C1QTNF3: variants seen among roughly 807,000 people sequenced by gnomAD.
The protein encoded by C1QTNF3 is complement C1q tumor necrosis factor-related protein 3.
A neutral mutation model predicts 32.6 loss-of-function variants in C1QTNF3; 26 were observed. That is an observed-to-expected ratio of 0.80 (90% CI 0.58 to 1.11). The LOEUF is 1.11. Among genes scored for constraint, C1QTNF3 ranks in the 50% least tolerant of loss-of-function variants. C1QTNF3 has a pLI of 0.00. For synonymous variants in C1QTNF3, 155 were observed against 146.0 expected (o/e 1.06, Z -0.44); for missense variants, 362 against 398.2 (o/e 0.91, Z 0.77).
At chr5:34,118,374 C>G in the C1QTNF3 span, among the ~76,000 whole-genome samples, 1 of 152,118 alleles carries the variant, frequency 6.6e-6, no homozygotes, top group Non-Finnish European at 1.5e-5. Context: ...CCACCATGTC[C>G]GGCCTATCAT....
the C1QTNF3 span, among the ~76,000 whole-genome samples, chr5:34,103,191 CTG>C: frequency 2.0e-5 from 3 of 152,128 alleles, no homozygotes; most frequent in Non-Finnish European, 4.4e-5. Flanking sequence ...CTTTCTATTC[CTG>C]TGTTTTGCTG....
chr5:34,166,512 C>T, the C1QTNF3 span: 1 of 152,148 alleles, frequency 6.6e-6, no homozygotes, highest in African/African-American at 2.4e-5. Flanking sequence ...CATCTCTATA[C>T]TTCAGGAAGT....
At chr5:34,235,932 T>G in the C1QTNF3 span, among the ~76,000 whole-genome samples, 1 of 152,196 alleles carries the variant, frequency 6.6e-6, no homozygotes, top group Admixed American at 6.5e-5. Flanking sequence ...ACTGTTTTTT[T>G]AAGATAGGAA....
chr5:34,136,161 A>C, the C1QTNF3 span, among the ~76,000 whole-genome samples: 3 of 152,228 alleles, frequency 2.0e-5, no homozygotes, highest in African/African-American at 7.2e-5. Context: ...GATCTAATTA[A>C]ACTAAAGAGC....
chr5:34,163,501 CAAT>C, the C1QTNF3 span, among the ~76,000 whole-genome samples: 3 of 151,192 alleles, frequency 2.0e-5, no homozygotes, highest in African/African-American at 7.3e-5. Flanking sequence ...TTAAAAATCT[CAAT>C]AACAAAGTCC....
chr5:34,159,388 A>G, the C1QTNF3 span, among the ~76,000 whole-genome samples: 1 of 152,074 alleles, frequency 6.6e-6, no homozygotes, highest in Non-Finnish European at 1.5e-5. Context: ...AATTATACAA[A>G]TAATATGCAA....
At chr5:34,198,026 G>A in the C1QTNF3 span, among the ~76,000 whole-genome samples, 1 of 143,694 alleles carries the variant, frequency 7.0e-6, no homozygotes, top group Non-Finnish European at 1.5e-5. Context: ...ACGAGGTCAG[G>A]AGTTCCAGAC....
the C1QTNF3 span, among the ~76,000 whole-genome samples, chr5:34,049,486 G>C: frequency 8.5e-3 from 1,298 of 152,304 alleles, 17 homozygotes; most frequent in African/African-American, 0.03. Context: ...CTGAAGCAGA[G>C]GCAGCTCTGA....
chr5:34,050,296 G>C, the C1QTNF3 span, among the ~76,000 whole-genome samples: 2 of 152,070 alleles, frequency 1.3e-5, no homozygotes. Context: ...CTCTCTCCTA[G>C]TCATTGTCTC....
At chr5:34,053,239 C>G in the C1QTNF3 span, among the ~76,000 whole-genome samples, 1 of 152,182 alleles carries the variant, frequency 6.6e-6, no homozygotes, top group Non-Finnish European at 1.5e-5. Context: ...GACTCTGAAA[C>G]TATTAAGGAG....
At chr5:34,092,666 T>C in the C1QTNF3 span, among the ~76,000 whole-genome samples, 1 of 151,704 alleles carries the variant, frequency 6.6e-6, no homozygotes, top group African/African-American at 2.4e-5. Context: ...TCAATGAAGT[T>C]TGTATATTTC....
rs1012221470 is a variant in C1QTNF3, at chr5:34,019,707, A to C, written c.*876T>G. The C allele has an allele frequency of 1.5e-4, 23 of 152,304 alleles. No individual in the cohort carries two copies. Among genetic ancestry groups the C allele is most frequent in the African/African-American group, 5.1e-4 (21 of 41,580 alleles). The allele number at this position is 152,304 out of a possible 1,614,324, so 9.4% of individuals were successfully genotyped here. A position where few individuals can be genotyped will look rare whatever the true frequency, so the allele number is the denominator to read the frequency against. On this transcript the variant is annotated 3_prime_UTR_variant, in exon 6 of 6. Coordinates refer to ENST00000382065, the MANE Select transcript of C1QTNF3 (RefSeq NM_181435.6). Reference sequence around the variant, plus strand: ...ACAAGTTTAGAAAGTATCTTTAACAAAGGTGTGTTTATTTCCATATATTGC... The same window carrying C: ...ACAAGTTTAGAAAGTATCTTTAACACAGGTGTGTTTATTTCCATATATTGC...
the C1QTNF3 span, among the ~76,000 whole-genome samples, chr5:34,109,872 C>T: frequency 6.6e-6 from 1 of 152,178 alleles, no homozygotes; most frequent in Admixed American, 6.6e-5. Flanking sequence ...AGCAGCTATA[C>T]ATGGTGGCTC....
In C1QTNF3 at chr5:34,043,073, G is replaced by A. The variant is rs779889392; in HGVS notation, c.53C>T (p.Pro18Leu). 1.2e-6 allele frequency: 2 copies of A among 1,613,960 alleles called. No homozygotes were observed. The highest frequency in any genetic ancestry group is 1.7e-5 in the Admixed American group (1 of 60,012). ...GTATTCATCTTGACACAGGCAAAAA[G>A]GGAGGAAAAACAAAGCCAGCAGTTG... ...YWQLLALFFLPFCLCQDEYME... is the reference protein window; with the variant it reads ...YWQLLALFFLLFCLCQDEYME... Residue 18 changes from proline to leucine, a missense_variant, in exon 1 of 6, where the codon CCT (proline) becomes CTT (leucine). By Grantham distance (98) the Pro-to-Leu change is moderately conservative. Transcript: ENST00000382065.
chr5:34,031,101 G>A (rs1323159311), intron 3 of C1QTNF3, among the ~76,000 whole-genome samples: 4 of 151,866 alleles, frequency 2.6e-5, no homozygotes, highest in Non-Finnish European at 5.9e-5. Context: ...TAAAAAAAAA[G>A]AAAAGAAAAG....
intron 1 of C1QTNF3, 80 bp downstream of exon 1, chr5:34,042,742 CA>C: frequency 2.2e-6 from 3 of 1,390,898 alleles, no homozygotes; most frequent in Non-Finnish European, 2.0e-6. Flanking sequence ...GAATCTTAGC[CA>C]AAAAAAGAAC....
At chr5:34,077,839 C>T in the C1QTNF3 span, among the ~76,000 whole-genome samples, 2 of 151,334 alleles carry the variant, frequency 1.3e-5, no homozygotes, top group Non-Finnish European at 2.9e-5. Flanking sequence ...GCAGAGGGCT[C>T]CCAGGCCAGC....
chr5:34,043,292 C>T (rs193095911), upstream of C1QTNF3: 8 of 659,288 alleles, frequency 1.2e-5, no homozygotes, highest in South Asian at 1.2e-4. Flanking sequence ...TGACAGCAGC[C>T]CTCCTCCCCA....
At chr5:34,066,749 G>A in the C1QTNF3 span, among the ~76,000 whole-genome samples, 1 of 152,172 alleles carries the variant, frequency 6.6e-6, no homozygotes, top group South Asian at 2.1e-4. Context: ...AAGACCTCTG[G>A]CATGCCCTGG....
Sources: allele counts gnomAD v4.1 joint callset (sites outside exome capture counted in the v4.1 genomes callset), GRCh38; gene constraint gnomAD v4.1.1; transcripts MANE v1.5; gene names NCBI Gene and HGNC (gene_info 2026-07-23, HGNC 2026-07-21).